The following TBC1D21 variants were observed in gnomAD, a reference collection of about 807,000 sequenced individuals.
TBC1D21 encodes TBC1 domain family member 21.
A neutral mutation model predicts 46.0 loss-of-function variants in TBC1D21; 38 were observed. The ratio of observed to expected loss-of-function variants is 0.83; its 90% confidence interval spans 0.64 to 1.08. The LOEUF is 1.08. TBC1D21 is among the 50% of genes least tolerant of loss of function. The pLI is 0.00. For missense variants in TBC1D21, 415 were observed against 417.9 expected, an observed-to-expected ratio of 0.99 and a Z score of 0.06; for synonymous variants, 151 against 157.2, an observed-to-expected ratio of 0.96 and a Z score of 0.29.
At chr15:73,904,955 A>G in the TBC1D21 span, among the ~76,000 whole-genome samples, 336 of 152,342 alleles carry the variant, frequency 2.2e-3, no homozygotes, top group African/African-American at 7.4e-3. Flanking sequence ...AAGAAATGAC[A>G]GAGTGGAGGA....
chr15:73,888,662 C>T, intron 10 of TBC1D21, 149 bp downstream of exon 10: 1 of 685,054 alleles, frequency 1.5e-6, no homozygotes, highest in Non-Finnish European at 2.6e-6. Flanking sequence ...TCCTCTTCTT[C>T]CTCCTCCTCT....
Position 73,888,438 on chromosome 15 carries a change from C to T in TBC1D21, c.903C>T (p.Asn301=), listed in dbSNP as rs1431539677. The change falls in exon 10 of 11, where the codon AAC becomes AAT. Residue 301 remains asparagine, a synonymous_variant. Transcript: ENST00000300504. ...MGGDDILLAC[N]NLIDLDADEL... ...CCCACACTCCCATGCAGGCCTGCAA[C>T]AACCTCATCGACCTTGATGCTGATG... 1.9e-6 allele frequency: 3 copies of T among 1,613,640 alleles called. No individual in the cohort carries two copies. Among genetic ancestry groups the T allele is most frequent in the East Asian group, 2.2e-5 (1 of 44,896 alleles).
chr15:73,898,131 C>G, the TBC1D21 span, among the ~76,000 whole-genome samples: 1 of 152,248 alleles, frequency 6.6e-6, no homozygotes, highest in Non-Finnish European at 1.5e-5. Flanking sequence ...AGCCTCCTCC[C>G]TGGGTTCTCG....
chr15:73,902,019 G>A, the TBC1D21 span, among the ~76,000 whole-genome samples: 1 of 152,016 alleles, frequency 6.6e-6, no homozygotes, highest in African/African-American at 2.4e-5. Flanking sequence ...TCACTTTGTT[G>A]CCCAGGCTGG....
chr15:73,881,571 T>C (rs1595821010), intron 2 of TBC1D21, 65 bp downstream of exon 2: 2 of 1,600,922 alleles, frequency 1.2e-6, no homozygotes, highest in Non-Finnish European at 1.7e-6. Context: ...AGGGGGCAGG[T>C]GTGGCGTTGG....
chr15:73,886,941 T>C (rs997115827), intron 8 of TBC1D21, among the ~76,000 whole-genome samples: 2 of 152,012 alleles, frequency 1.3e-5, no homozygotes, highest in Admixed American at 6.5e-5. Context: ...ACGCTTTCAC[T>C]TCCCCAGCTG....
At chr15:73,881,617 G>GACCTCC (rs773538562) in intron 2 of TBC1D21, 27 bp from the exon 3 acceptor site, 1 of 1,608,332 alleles carries the variant, frequency 6.2e-7, no homozygotes, top group Admixed American at 1.7e-5. Flanking sequence ...TAGAGCCCAT[G>GACCTCC]ACCTCCACCT....
chr15:73,885,662 T>A (rs2068231540), intron 6 of TBC1D21, among the ~76,000 whole-genome samples: 1 of 151,370 alleles, frequency 6.6e-6, no homozygotes, highest in Non-Finnish European at 1.5e-5. Context: ...CCCTCCCTCA[T>A]CCCTCCCTCC....
intron 4 of TBC1D21, 115 bp from the exon 5 acceptor site, chr15:73,884,665 TC>T: frequency 1.4e-6 from 1 of 697,016 alleles, no homozygotes; most frequent in East Asian, 2.7e-5. Context: ...CTTTCACAGC[TC>T]CCTCTCCCTC....
At position 73,886,646 on chromosome 15, in the gene TBC1D21, C is replaced by T. The variant is rs371559443; in HGVS notation, c.777+34C>T. 1.2e-5 allele frequency: 19 copies of T among 1,591,020 alleles called. 1 individual carries two copies. The highest frequency in any genetic ancestry group is 2.7e-5 in the African/African-American group (2 of 74,414). ...TCCAGCTAGGGATCATCAGGCTGGG[C>T]TCCACCCATCAGGCAGAGTGGAAGC... On this transcript the variant is annotated intron_variant, in intron 8 of 10. Coordinates refer to ENST00000300504, the MANE Select transcript of TBC1D21 (RefSeq NM_153356.3).
the TBC1D21 span, among the ~76,000 whole-genome samples, chr15:73,894,524 AG>A: frequency 1.3e-5 from 2 of 152,188 alleles, no homozygotes; most frequent in Non-Finnish European, 2.9e-5. Context: ...TTCCTTCTCC[AG>A]GATGGGGAGT....
intron 10 of TBC1D21, 51 bp downstream of exon 10, chr15:73,888,564 TTCCTCCTCCTCCTCCTCTTCCTCC>T (rs1402887907): frequency 8.0e-6 from 9 of 1,130,940 alleles, no homozygotes; most frequent in African/African-American, 2.5e-5. Context: ...CCTCCTCCTC[TTCCTCCTCCTCCTCCTCTTCCTCC>T]TCCTCCTCCT....
At chr15:73,875,616 A>C (rs1219605535) in intron 1 of TBC1D21, among the ~76,000 whole-genome samples, 2 of 152,136 alleles carry the variant, frequency 1.3e-5, no homozygotes, top group Non-Finnish European at 1.5e-5. Flanking sequence ...CCCCTTCCCC[A>C]GGGGAAGAAT....
At chr15:73,893,896 C>T (rs1277532106), downstream of TBC1D21, among the ~76,000 whole-genome samples, 3 of 152,186 alleles carry the variant, frequency 2.0e-5, no homozygotes, top group East Asian at 5.8e-4. Flanking sequence ...AACAAGGGCA[C>T]GTGACCCCTA....
chr15:73,897,518 C>T, the TBC1D21 span, among the ~76,000 whole-genome samples: 1 of 152,170 alleles, frequency 6.6e-6, no homozygotes, highest in African/African-American at 2.4e-5. Flanking sequence ...GGTGCAGCCT[C>T]CAGGGTGAGC....
At chr15:73,895,784 C>G in the TBC1D21 span, among the ~76,000 whole-genome samples, 1 of 152,208 alleles carries the variant, frequency 6.6e-6, no homozygotes, top group South Asian at 2.1e-4. Flanking sequence ...GAAGGGTCAG[C>G]TCTCAGGTCA....
the TBC1D21 span, among the ~76,000 whole-genome samples, chr15:73,900,564 A>G: frequency 6.6e-6 from 1 of 152,190 alleles, no homozygotes; most frequent in Non-Finnish European, 1.5e-5. Flanking sequence ...AGGTACAGCA[A>G]GAGCAAACTC....
At chr15:73,876,204 T>G (rs1464180339) in intron 1 of TBC1D21, among the ~76,000 whole-genome samples, 316 of 10,098 alleles carry the variant, frequency 0.031, 31 homozygotes, top group African/African-American at 0.092. Flanking sequence ...TGTGGGTTTT[T>G]TTTTTTTTTT....
At chr15:73,889,753 A>G (rs1235490486), downstream of TBC1D21, among the ~76,000 whole-genome samples, 2 of 152,154 alleles carry the variant, frequency 1.3e-5, no homozygotes, top group Admixed American at 1.3e-4. Context: ...GCTACATTTT[A>G]TTTTCCAGTC....
Sources: gnomAD v4.1 joint callset for allele counts (sites outside exome capture counted in the v4.1 genomes callset) on GRCh38, gnomAD v4.1.1 for gene constraint, MANE v1.5 for transcripts, NCBI Gene and HGNC (gene_info 2026-07-23, HGNC 2026-07-21) for gene names.